Variants in FARS2 observed in about 807,000 individuals in gnomAD.
The protein encoded by FARS2 is phenylalanyl-tRNA synthetase 2, mitochondrial.
Under a neutral mutation model 46.4 loss-of-function variants are expected in FARS2, and 40 were observed. That is an observed-to-expected ratio of 0.86 (90% CI 0.67 to 1.12). The LOEUF (loss-of-function observed/expected upper bound fraction) is 1.12, where lower values mean the gene tolerates loss of function less well. Ranked by LOEUF, FARS2 falls within the 50% of genes most tolerant of loss-of-function variation. The pLI, the probability that FARS2 is intolerant of heterozygous loss-of-function variation, is 0.00. For missense variants in FARS2, 513 were observed against 567.9 expected (o/e 0.90, Z 0.98); for synonymous variants, 234 against 214.9 (o/e 1.09, Z -0.78).
chr6:5,404,372 G>A (rs1761431820), intron 2 of FARS2, among the ~76,000 whole-genome samples, 170 bp from the exon 3 acceptor site: 1 of 152,218 alleles, frequency 6.6e-6, no homozygotes, highest in South Asian at 2.1e-4. Flanking sequence ...TTTCTTCAGA[G>A]TTGTACTAAG....
upstream of FARS2, chr6:5,260,738 G>GA: frequency 1.3e-6 from 2 of 1,540,422 alleles, no homozygotes; most frequent in Non-Finnish European, 1.7e-6. Flanking sequence ...TGCCATTTTG[G>GA]AAAGAAAAAA....
intron 1 of FARS2, among the ~76,000 whole-genome samples, chr6:5,355,390 T>TG (rs1581865579): frequency 4.0e-5 from 6 of 150,206 alleles, no homozygotes; most frequent in Admixed American, 2.0e-4. Flanking sequence ...TTTTTTTTTT[T>TG]GAGACAGTCT....
intron 4 of FARS2, among the ~76,000 whole-genome samples, chr6:5,506,900 G>A (rs1768133144): frequency 6.6e-6 from 1 of 152,192 alleles, no homozygotes; most frequent in South Asian, 2.1e-4. Flanking sequence ...CACAGAGAGA[G>A]GCTAAGAGGC....
At chr6:5,299,080 C>T (rs1768101553) in intron 1 of FARS2, among the ~76,000 whole-genome samples, 1 of 152,096 alleles carries the variant, frequency 6.6e-6, no homozygotes, top group South Asian at 2.1e-4. Context: ...GTTTATTCTG[C>T]AGAGCCTTGC....
At chr6:5,435,457 C>G (rs1340180044) in intron 4 of FARS2, among the ~76,000 whole-genome samples, 2 of 152,210 alleles carry the variant, frequency 1.3e-5, no homozygotes, top group African/African-American at 4.8e-5. Context: ...GAACACAGCT[C>G]TTTTAAATGG....
intron 6 of FARS2, among the ~76,000 whole-genome samples, chr6:5,650,637 C>G (rs1371784738): frequency 1.2e-4 from 19 of 152,074 alleles, no homozygotes; most frequent in Non-Finnish European, 4.4e-5. Flanking sequence ...CCCGCCACCA[C>G]GCCCGGCCAA....
At chr6:5,562,466 T>C (rs955968561) in intron 5 of FARS2, among the ~76,000 whole-genome samples, 1 of 152,146 alleles carries the variant, frequency 6.6e-6, no homozygotes, top group Admixed American at 6.6e-5. Context: ...AGCAGCATCA[T>C]GACAGGATGT....
intron 6 of FARS2, among the ~76,000 whole-genome samples, chr6:5,691,197 T>G (rs548743428): frequency 8.5e-5 from 13 of 152,348 alleles, no homozygotes; most frequent in African/African-American, 3.1e-4. Context: ...CTCGTCAAAG[T>G]CATTCTCCAT....
Position 5,391,512 on chromosome 6 carries a change from A to T in FARS2, c.613-13030A>T, listed in dbSNP as rs1256706536. Among the ~76,000 whole-genome samples, 3 of 152,154 alleles carry T rather than the reference A, an allele frequency of 2.0e-5. No individual in the cohort carries two copies. In the East Asian group the frequency reaches 5.8e-4, roughly 29 times the overall value. On this transcript the variant is annotated intron_variant, in intron 2 of 6. Transcript: ENST00000274680. The stretch of plus-strand genomic sequence containing the variant: ...ACAGGAACTCAGAGTCAGGATAGAT[A>T]AGTGTTTAGCATTAATTTGTAAGGC...
chr6:5,456,914 CA>C (rs1764919298), intron 4 of FARS2: 1 of 152,004 alleles, frequency 6.6e-6, no homozygotes, highest in South Asian at 2.1e-4. Flanking sequence ...GCTACCAAAA[CA>C]ACAGCAGGGA....
chr6:5,466,791 C>T (rs1271309502), intron 4 of FARS2: 3 of 984,946 alleles, frequency 3.0e-6, no homozygotes, highest in Non-Finnish European at 3.6e-6. Flanking sequence ...GATTCTGGTG[C>T]AGGAAGTTGT....
At chr6:5,282,871 C>A (rs1379061516) in intron 1 of FARS2, among the ~76,000 whole-genome samples, 1 of 152,168 alleles carries the variant, frequency 6.6e-6, no homozygotes, top group African/African-American at 2.4e-5. Flanking sequence ...ATTGTCCAGA[C>A]AGAGGCTGGC....
intron 2 of FARS2, among the ~76,000 whole-genome samples, chr6:5,380,050 A>G (rs939161146): frequency 1.3e-5 from 2 of 152,222 alleles, no homozygotes; most frequent in Non-Finnish European, 2.9e-5. Context: ...TTGCTAGGGA[A>G]AGTCATATTT....
At chr6:5,728,237 G>GCATTTTTTTA (rs1561824801) in intron 6 of FARS2, among the ~76,000 whole-genome samples, 1 of 152,142 alleles carries the variant, frequency 6.6e-6, no homozygotes, top group East Asian at 1.9e-4. Flanking sequence ...CCAATAATTT[G>GCATTTTTTTA]GGTTTGTTTC....
At chr6:5,539,012 C>T (rs1007566394) in intron 4 of FARS2, among the ~76,000 whole-genome samples, 2 of 152,010 alleles carry the variant, frequency 1.3e-5, no homozygotes, top group African/African-American at 4.8e-5. Flanking sequence ...GCGGGAATGA[C>T]CCCCTCAGTC....
At position 5,611,475 on chromosome 6, in the gene FARS2, G is replaced by GTAGT. The variant is rs573133460; in HGVS notation, c.1066-1690_1066-1687dup. 2.2e-4 allele frequency among the ~76,000 whole-genome samples: 34 copies of GTAGT among 152,236 alleles called. No individual in the cohort carries two copies. In the South Asian group the frequency reaches 6.6e-3, roughly 30 times the overall value. ...GCCCACATCTCAGTAACCATGATCT[G>GTAGT]TAGTTAGCCTCTTATTTCCCAACAA... On this transcript the variant is annotated intron_variant, in intron 5 of 6. Coordinates refer to ENST00000274680, the MANE Select transcript of FARS2 (RefSeq NM_006567.5).
chr6:5,314,475 A>C (rs1769306738), intron 1 of FARS2, among the ~76,000 whole-genome samples: 1 of 152,168 alleles, frequency 6.6e-6, no homozygotes, highest in Admixed American at 6.5e-5. Context: ...AAGGTGACCA[A>C]GTTACACTAG....
At chr6:5,598,487 A>G (rs1774328551) in intron 5 of FARS2, among the ~76,000 whole-genome samples, 1 of 152,220 alleles carries the variant, frequency 6.6e-6, no homozygotes. Flanking sequence ...TGTAATTGAG[A>G]GTTGATGTTA....
rs551690889 is a variant in FARS2, at chr6:5,638,212, G to T, written c.1217+24892G>T. On this transcript the variant is annotated intron_variant, in intron 6 of 6. Coordinates refer to ENST00000274680, the MANE Select transcript of FARS2 (RefSeq NM_006567.5). Reference sequence around the variant, plus strand: ...TGGCTCTGCTAAGTTACAATGAAAAGAGCTACTACAGGTACTGGAGGCTTG... The same window carrying T: ...TGGCTCTGCTAAGTTACAATGAAAATAGCTACTACAGGTACTGGAGGCTTG... Among the ~76,000 whole-genome samples, 4 of 152,332 alleles carry T rather than the reference G, an allele frequency of 2.6e-5. No individual in the cohort carries two copies. In the East Asian group the frequency reaches 5.8e-4, roughly 22 times the overall value.
Sources: allele counts gnomAD v4.1 joint callset (sites outside exome capture counted in the v4.1 genomes callset), GRCh38; gene constraint gnomAD v4.1.1; transcripts MANE v1.5; gene names NCBI Gene and HGNC (gene_info 2026-07-23, HGNC 2026-07-21).